ANO3: variants seen among roughly 807,000 people sequenced by gnomAD.
ANO3 encodes the protein anoctamin-3.
A neutral mutation model predicts 144.8 loss-of-function variants in ANO3; 99 were observed. That is an observed-to-expected ratio of 0.68 (90% CI 0.58 to 0.81). The LOEUF is 0.81. Ranked by LOEUF, ANO3 falls within the 30% of genes least tolerant of loss-of-function variation. The pLI is 0.00. For synonymous variants in ANO3, 414 were observed against 392.6 expected (o/e 1.05, Z -0.64); for missense variants, 905 against 1,202.2 (o/e 0.75, Z 3.66).
At chr11:26,208,653 G>A (rs1851867958) in intron 1 of ANO3, among the ~76,000 whole-genome samples, 2 of 152,058 alleles carry the variant, frequency 1.3e-5, no homozygotes, top group Admixed American at 6.6e-5. Context: ...TTTAACCTCA[G>A]GGAATTGAAT....
At chr11:26,651,124 A>C (rs1162618955) in intron 24 of ANO3, among the ~76,000 whole-genome samples, 2 of 152,170 alleles carry the variant, frequency 1.3e-5, no homozygotes, top group African/African-American at 4.8e-5. Context: ...CTATAGTAAA[A>C]AATATGTCAA....
chr11:26,290,707 T>C (rs1853936881), intron 1 of ANO3, among the ~76,000 whole-genome samples: 1 of 152,172 alleles, frequency 6.6e-6, no homozygotes, highest in Non-Finnish European at 1.5e-5. Flanking sequence ...AGTTTCCAGG[T>C]AGTTGAGCTG....
At chr11:26,360,053 T>C (rs1855883701) in intron 1 of ANO3, among the ~76,000 whole-genome samples, 1 of 152,020 alleles carries the variant, frequency 6.6e-6, no homozygotes, top group Non-Finnish European at 1.5e-5. Flanking sequence ...CTATTTGTTA[T>C]TCCCATTATC....
chr11:26,523,821 G>A (rs12288875), intron 6 of ANO3, among the ~76,000 whole-genome samples: 10,046 of 152,168 alleles, frequency 0.066, 468 homozygotes, highest in African/African-American at 0.13. Flanking sequence ...AATAAAGACA[G>A]AGAGTAGTGT....
Position 26,332,231 on chromosome 11 carries a change from CCTCTCGGGCAG to C in ANO3, c.-41_-31del. Reference sequence around the variant, plus strand: ...AGTCTGGCTACTGTTCCTCCGCCTCCCTCTCGGGCAGCTCCCTAAGCCGGCTGGGACGCGCA... The same window carrying C: ...AGTCTGGCTACTGTTCCTCCGCCTCCCTCCCTAAGCCGGCTGGGACGCGCA... On this transcript the variant is annotated 5_prime_UTR_variant, in exon 1 of 27. Coordinates refer to ENST00000256737, the MANE Select transcript of ANO3 (RefSeq NM_031418.4). The C allele has an allele frequency of 6.2e-7, 1 of 1,614,076 alleles. No individual in the cohort carries two copies. The highest frequency in any genetic ancestry group is 1.1e-5 in the South Asian group (1 of 91,074).
chr11:26,309,085 T>A (rs1260712679), upstream of ANO3, among the ~76,000 whole-genome samples: 1 of 152,146 alleles, frequency 6.6e-6, no homozygotes, highest in Non-Finnish European at 1.5e-5. Flanking sequence ...TTAATAGGAA[T>A]GATTGTTCCT....
At chr11:26,311,404 G>A (rs1854499378) in intron 1 of ANO3, among the ~76,000 whole-genome samples, 2 of 152,174 alleles carry the variant, frequency 1.3e-5, no homozygotes, top group South Asian at 2.1e-4. Flanking sequence ...AAGAGACAGA[G>A]CTCTTCATGA....
rs114101584 is a variant in ANO3, at chr11:26,350,613, T to G, written c.46+18292T>G. ...AAGTGAATCAGTGTTCAATCTTTTT[T>G]AAAGTTTCCATATTTTAGTTATATA... On this transcript the variant is annotated intron_variant, in intron 1 of 26. Coordinates refer to ENST00000256737, the MANE Select transcript of ANO3 (RefSeq NM_031418.4). Among the ~76,000 whole-genome samples, 645 of 152,302 alleles carry G rather than the reference T, an allele frequency of 4.2e-3. 4 individuals are homozygous for G. Among genetic ancestry groups the G allele is most frequent in the African/African-American group, 0.015 (619 of 41,566 alleles).
intron 14 of ANO3, among the ~76,000 whole-genome samples, chr11:26,574,079 C>T (rs767788952): frequency 5.1e-4 from 77 of 152,132 alleles, no homozygotes; most frequent in Admixed American, 3.8e-3. Context: ...ATCAGCAAAC[C>T]CAGCTGAGAT....
intron 4 of ANO3, among the ~76,000 whole-genome samples, chr11:26,475,523 A>G (rs1334031649): frequency 1.3e-5 from 2 of 152,038 alleles, no homozygotes; most frequent in Admixed American, 6.6e-5. Context: ...TACCTAGACC[A>G]ATTCATTGCT....
intron 5 of ANO3, among the ~76,000 whole-genome samples, chr11:26,516,557 AT>A (rs1183529122): frequency 6.6e-6 from 1 of 152,012 alleles, no homozygotes; most frequent in East Asian, 1.9e-4. Context: ...GATTGTTCTG[AT>A]TGGGGATTCT....
intron 4 of ANO3, among the ~76,000 whole-genome samples, chr11:26,501,541 T>C (rs1186376542): frequency 2.0e-5 from 3 of 151,580 alleles, no homozygotes; most frequent in African/African-American, 7.3e-5. Flanking sequence ...TTACAGAGCA[T>C]GGCAAAACAA....
intron 1 of ANO3, among the ~76,000 whole-genome samples, chr11:26,298,445 A>G (rs1423147807): frequency 2.0e-5 from 3 of 152,224 alleles, no homozygotes; most frequent in Admixed American, 6.5e-5. Context: ...TATGAGGGGT[A>G]TGGAATAACT....
chr11:26,658,373 G>A lies in ANO3; in HGVS notation c.2764-1889G>A, dbSNP rs145121814. Among the ~76,000 whole-genome samples the A allele has an allele frequency of 4.1e-4, 63 of 152,152 alleles. 1 individual carries two copies. The East Asian group carries it at 9.7e-3, about 23-fold the overall frequency. On this transcript the variant is annotated intron_variant, in intron 26 of 26. Transcript: ENST00000256737. ...TCACGCCTGTAATCCCAGAACTTTG[G>A]GAGGCCCAGGCAGGTGGATCACCTG...
At chr11:26,482,762 T>C (rs1860273227) in intron 4 of ANO3, among the ~76,000 whole-genome samples, 1 of 152,140 alleles carries the variant, frequency 6.6e-6, no homozygotes, top group Non-Finnish European at 1.5e-5. Flanking sequence ...ACTCCCCTTC[T>C]AACCTTCTGA....
intron 1 of ANO3, among the ~76,000 whole-genome samples, chr11:26,197,153 A>G (rs930892798): frequency 6.6e-6 from 1 of 152,154 alleles, no homozygotes; most frequent in Non-Finnish European, 1.5e-5. Context: ...ATTAACAGTC[A>G]TTCTTTCAAC....
chr11:26,400,508 C>T (rs1199772334), intron 1 of ANO3, among the ~76,000 whole-genome samples: 1 of 151,830 alleles, frequency 6.6e-6, no homozygotes, highest in Non-Finnish European at 1.5e-5. Flanking sequence ...TTGCATATTA[C>T]CTTCTGGTCC....
chr11:26,643,583 C>A (rs1172791633), intron 23 of ANO3, among the ~76,000 whole-genome samples: 2 of 151,998 alleles, frequency 1.3e-5, no homozygotes, highest in Non-Finnish European at 2.9e-5. Flanking sequence ...TGGAGAAACC[C>A]TGTCTCTACT....
At chr11:26,450,564 G>T in intron 3 of ANO3, among the ~76,000 whole-genome samples, 1 of 152,150 alleles carries the variant, frequency 6.6e-6, no homozygotes, top group East Asian at 1.9e-4. Flanking sequence ...TTAAAATCAT[G>T]ATATTTATTG....
Sources: gnomAD v4.1 joint callset for allele counts (sites outside exome capture counted in the v4.1 genomes callset) on GRCh38, gnomAD v4.1.1 for gene constraint, MANE v1.5 for transcripts, NCBI Gene and HGNC (gene_info 2026-07-23, HGNC 2026-07-21) for gene names.